Variants in CACNA1D observed in about 807,000 individuals in gnomAD.
CACNA1D encodes calcium voltage-gated channel subunit alpha1 D.
CACNA1D carries 55 observed loss-of-function variants against 257.1 expected under a neutral mutation model. The ratio of observed to expected loss-of-function variants is 0.21; its 90% CI spans 0.17 to 0.27. The LOEUF is 0.27. Among genes scored for constraint, CACNA1D ranks in the 10% least tolerant of loss-of-function variants. The pLI is 1.00. For missense variants in CACNA1D, 1,876 were observed against 2,784.0 expected, an observed-to-expected ratio of 0.67 and a Z score of 7.34; for synonymous variants, 980 against 1,014.9, an observed-to-expected ratio of 0.97 and a Z score of 0.65.
intron 9 of CACNA1D, among the ~76,000 whole-genome samples, chr3:53,703,089 A>C (rs980214822): frequency 6.6e-6 from 1 of 152,228 alleles, no homozygotes; most frequent in East Asian, 1.9e-4. Flanking sequence ...AAATTCAGTA[A>C]GCGCATTTCT....
intron 14 of CACNA1D, among the ~76,000 whole-genome samples, chr3:53,725,816 T>A (rs1201757198): frequency 6.6e-6 from 1 of 152,230 alleles, no homozygotes; most frequent in African/African-American, 2.4e-5. Flanking sequence ...TTTAAAAATA[T>A]CTAGTTCAGA....
intron 3 of CACNA1D, among the ~76,000 whole-genome samples, chr3:53,577,312 G>C (rs899518206): frequency 2.6e-5 from 4 of 152,132 alleles, no homozygotes; most frequent in African/African-American, 9.7e-5. Flanking sequence ...GGTGGTGCTC[G>C]ATTCCAGGGG....
chr3:53,811,431 C>A lies in CACNA1D; in HGVS notation c.*25C>A. The A allele has an allele frequency of 6.6e-7, 1 of 1,524,316 alleles. No homozygotes were observed. Among genetic ancestry groups the A allele is most frequent in the Middle Eastern group, 2.3e-4 (1 of 4,344 alleles). 94.4% of individuals were successfully genotyped at this position (1,524,316 alleles called of 1,614,324 possible). A position where few individuals can be genotyped will look rare whatever the true frequency, so the allele number is the denominator to read the frequency against. On this transcript the variant is annotated 3_prime_UTR_variant, in exon 48 of 48. Transcript: ENST00000350061. This position sits in a 1 kb window ranked among gnomAD's most constrained non-coding sequence, Gnocchi z 4.2. ...GCCCCCAGCGAGGGGCAGACTGGCT[C>A]TGGCCTCAGGTGGGGCGCAGGAGAG...
At chr3:53,500,875 T>C (rs2107120099) in intron 2 of CACNA1D, among the ~76,000 whole-genome samples, 1 of 152,236 alleles carries the variant, frequency 6.6e-6, no homozygotes, top group South Asian at 2.1e-4. Flanking sequence ...TTTGAACGTG[T>C]CTGGTGCTGA....
chr3:53,564,381 G>A (rs1033423736), intron 3 of CACNA1D, among the ~76,000 whole-genome samples: 1 of 152,076 alleles, frequency 6.6e-6, no homozygotes, highest in Admixed American at 6.6e-5. Flanking sequence ...GGCTGGTCTC[G>A]AACTCCTGAC....
chr3:53,537,089 C>T (rs1484403449), intron 3 of CACNA1D, among the ~76,000 whole-genome samples: 1 of 152,152 alleles, frequency 6.6e-6, no homozygotes, highest in African/African-American at 2.4e-5. Context: ...AATTTTATTT[C>T]AAACAGTATA....
chr3:53,788,376 A>C (rs1162035122), intron 40 of CACNA1D, among the ~76,000 whole-genome samples: 2 of 152,232 alleles, frequency 1.3e-5, no homozygotes, highest in Middle Eastern at 3.2e-3. Flanking sequence ...TCACAGGCTC[A>C]GTCACACAGC....
At chr3:53,686,858 A>G (rs2094477710) in intron 8 of CACNA1D, among the ~76,000 whole-genome samples, 1 of 152,104 alleles carries the variant, frequency 6.6e-6, no homozygotes. Flanking sequence ...AACTATTTCT[A>G]TTTACAGACA....
At chr3:53,809,581 T>C (rs956819806) in intron 46 of CACNA1D, 1 of 296,728 alleles carries the variant, frequency 3.4e-6, no homozygotes, top group East Asian at 8.2e-5. Flanking sequence ...GAGAACCAGC[T>C]GTTTTCCTAT....
At chr3:53,665,293 A>G (rs2094250519) in intron 5 of CACNA1D, among the ~76,000 whole-genome samples, 1 of 152,236 alleles carries the variant, frequency 6.6e-6, no homozygotes, top group Non-Finnish European at 1.5e-5. Flanking sequence ...AAAACATTTT[A>G]CATAAACCGT....
At chr3:53,558,101 T>C (rs779461126) in intron 3 of CACNA1D, among the ~76,000 whole-genome samples, 26 of 152,250 alleles carry the variant, frequency 1.7e-4, no homozygotes, top group Non-Finnish European at 3.5e-4. Flanking sequence ...AATCTCACGT[T>C]CTTCATATAA....
rs1237923472 is a variant in CACNA1D, at chr3:53,789,922, C to T, written c.4923+2970C>T. ...CTGCCTCCCACATGAAGGGGAATGG[C>T]TTGAGCTCCTGGATCCATGTGTGGG... On this transcript the variant is annotated intron_variant, in intron 40 of 47. Coordinates refer to ENST00000350061, the MANE Select transcript of CACNA1D (RefSeq NM_001128840.3). The surrounding 1 kb of genome is among the most constrained non-coding windows in gnomAD (Gnocchi z 4.2). 6.6e-6 allele frequency among the ~76,000 whole-genome samples: 1 copy of T among 152,208 alleles called. No homozygotes were observed. The highest frequency in any genetic ancestry group is 1.5e-5 in the Non-Finnish European group (1 of 68,036).
chr3:53,712,254 T>C (rs912329252), intron 9 of CACNA1D, among the ~76,000 whole-genome samples: 2 of 152,210 alleles, frequency 1.3e-5, no homozygotes, highest in African/African-American at 4.8e-5. Flanking sequence ...TAAGGAACTT[T>C]ATTTTGAGTG....
chr3:53,666,405 A>G lies in CACNA1D; in HGVS notation c.986A>G (p.Asn329Ser), dbSNP rs1379809256. The G allele has an allele frequency of 5.0e-6, 8 of 1,614,034 alleles. No homozygotes were observed. Among genetic ancestry groups the G allele is most frequent in the African/African-American group, 1.3e-5 (1 of 74,932 alleles). ...FSGNGRQCTA[N>S]GTECRSGWVG... is the part of the protein sequence containing the mutation. ...GGGAATGGACGCCAGTGTACTGCCA[A>G]TGGCACGGAATGTAGGAGTGGCTGG... The change falls in exon 7 of 48, where the codon AAT (asparagine) becomes AGT (serine). Residue 329 changes from asparagine (N) to serine (S), a missense_variant. Transcript: ENST00000350061.
chr3:53,533,916 C>T (rs2092031747), intron 3 of CACNA1D, among the ~76,000 whole-genome samples: 2 of 152,126 alleles, frequency 1.3e-5, no homozygotes, highest in Admixed American at 1.3e-4. Flanking sequence ...ATAGCATCAT[C>T]GTTAATAATT....
intron 45 of CACNA1D, among the ~76,000 whole-genome samples, chr3:53,805,454 C>A (rs747264959): frequency 2.5e-4 from 38 of 152,204 alleles, no homozygotes; most frequent in Non-Finnish European, 4.9e-4. Flanking sequence ...GTCTTTGAAC[C>A]TGGGACCATC....
chr3:53,630,532 A>C (rs975500803), intron 3 of CACNA1D, among the ~76,000 whole-genome samples: 1 of 152,236 alleles, frequency 6.6e-6, no homozygotes, highest in African/African-American at 2.4e-5. Context: ...AAACTTGGGA[A>C]CCAACCACCA....
chr3:53,621,803 G>A (rs1186866077), intron 3 of CACNA1D, among the ~76,000 whole-genome samples: 1 of 152,052 alleles, frequency 6.6e-6, no homozygotes, highest in Non-Finnish European at 1.5e-5. Flanking sequence ...TAAATGGGCA[G>A]AAAATTTAAC....
At chr3:53,757,092 G>A (rs1286230848) in intron 29 of CACNA1D, among the ~76,000 whole-genome samples, 3 of 152,198 alleles carry the variant, frequency 2.0e-5, no homozygotes, top group Non-Finnish European at 2.9e-5. Flanking sequence ...GATGCAGAAT[G>A]GGCACTGAGT....
Sources: gnomAD v4.1 joint callset for allele counts (sites outside exome capture counted in the v4.1 genomes callset) on GRCh38, gnomAD v4.1.1 for gene constraint, Gnocchi (gnomAD v3.1) non-coding constraint, MANE v1.5 for transcripts, NCBI Gene and HGNC (gene_info 2026-07-23, HGNC 2026-07-21) for gene names.